Variants in PLA2G4A observed in about 807,000 individuals in gnomAD.
PLA2G4A encodes the protein cytosolic phospholipase A2.
A neutral mutation model predicts 81.9 loss-of-function variants in PLA2G4A; 40 were observed. The ratio of observed to expected loss-of-function variants is 0.49; its 90% CI spans 0.38 to 0.64. The LOEUF (loss-of-function observed/expected upper bound fraction) is 0.64, where lower values mean the gene tolerates loss of function less well. PLA2G4A is among the 30% of genes least tolerant of loss of function. The probability of loss-of-function intolerance (pLI) is 0.00; values close to 1 mark genes in which losing one functional copy is unlikely to be tolerated. For synonymous variants in PLA2G4A, 302 were observed against 296.9 expected, an observed-to-expected ratio of 1.02 and a Z score of -0.18; for missense variants, 715 against 905.1, an observed-to-expected ratio of 0.79 and a Z score of 2.69.
chr1:186,887,831 G>A (rs913590203), intron 3 of PLA2G4A, among the ~76,000 whole-genome samples: 1 of 152,078 alleles, frequency 6.6e-6, no homozygotes, highest in Non-Finnish European at 1.5e-5. Context: ...AATTCTGTTT[G>A]CTACCATGCC....
Position 186,946,580 on chromosome 1 carries a change from C to T in PLA2G4A, c.1034-57C>T, listed in dbSNP as rs140328375. Reference sequence around the variant, plus strand: ...TATTAAAGTGATCATTAATTGTGCACACCATGCCATAGCATTTTCCTATTA... The same window carrying T: ...TATTAAAGTGATCATTAATTGTGCATACCATGCCATAGCATTTTCCTATTA... On this transcript the variant is annotated intron_variant, in intron 10 of 17. Coordinates refer to ENST00000367466, the MANE Select transcript of PLA2G4A (RefSeq NM_024420.3). 2.0e-4 allele frequency: 239 copies of T among 1,190,748 alleles called. No individual in the cohort carries two copies. In the African/African-American group the frequency reaches 3.3e-3, roughly 17 times the overall value. 73.8% of individuals were successfully genotyped at this position (1,190,748 alleles called of 1,614,324 possible).
intron 13 of PLA2G4A, among the ~76,000 whole-genome samples, chr1:186,950,986 A>G (rs570497367): frequency 2.0e-5 from 3 of 152,366 alleles, no homozygotes; most frequent in Middle Eastern, 3.4e-3. Context: ...CCAAGATGGT[A>G]GAAATGCTGA....
At chr1:186,882,085 C>G (rs976714011) in intron 3 of PLA2G4A, among the ~76,000 whole-genome samples, 2 of 152,124 alleles carry the variant, frequency 1.3e-5, no homozygotes, top group African/African-American at 4.8e-5. Context: ...ACTTGCTCAG[C>G]TCACTAAATG....
chr1:186,875,060 T>G (rs1653416246), intron 3 of PLA2G4A, among the ~76,000 whole-genome samples: 1 of 152,146 alleles, frequency 6.6e-6, no homozygotes, highest in South Asian at 2.1e-4. Context: ...ATTTTGATTC[T>G]GTAGGTTTGG....
At chr1:186,841,831 T>C (rs1339073676) in intron 1 of PLA2G4A, among the ~76,000 whole-genome samples, 1 of 152,200 alleles carries the variant, frequency 6.6e-6, no homozygotes, top group Non-Finnish European at 1.5e-5. Flanking sequence ...ATCCTTAAGA[T>C]GGACAGGTTT....
At chr1:186,902,292 T>C (rs576913682) in intron 5 of PLA2G4A, among the ~76,000 whole-genome samples, 14 of 152,190 alleles carry the variant, frequency 9.2e-5, no homozygotes, top group Admixed American at 6.5e-5. Flanking sequence ...CATGACTGTA[T>C]ATTGAAAAAT....
intron 2 of PLA2G4A, among the ~76,000 whole-genome samples, chr1:186,854,705 A>C (rs1652491208): frequency 6.6e-6 from 1 of 151,926 alleles, no homozygotes; most frequent in African/African-American, 2.4e-5. Context: ...CCTTCACATG[A>C]GTTGGTGGAA....
chr1:186,893,114 G>A lies in PLA2G4A; in HGVS notation c.219G>A (p.Glu73=), dbSNP rs1654204714. The A allele has an allele frequency of 1.2e-6, 2 of 1,612,172 alleles. No individual in the cohort carries two copies. The highest frequency in any genetic ancestry group is 1.7e-6 in the Non-Finnish European group (2 of 1,178,358). ...ATGACATAAACCCTGTGTGGAATGA[G>A]ACCTTTGAATTTATTTTGGATCCTA... ...FNNDINPVWN[E]TFEFILDPNQ... The change falls in exon 4 of 18, where the codon GAG becomes GAA. Residue 73 remains glutamate (E), a synonymous_variant. Transcript: ENST00000367466.
At chr1:186,922,020 T>G (rs971923210) in intron 7 of PLA2G4A, among the ~76,000 whole-genome samples, 1 of 152,188 alleles carries the variant, frequency 6.6e-6, no homozygotes, top group African/African-American at 2.4e-5. Flanking sequence ...ACAGAAAGTT[T>G]TAAGTTTTCC....
At chr1:186,930,963 T>TA (rs1655723991) in intron 7 of PLA2G4A, among the ~76,000 whole-genome samples, 1 of 152,152 alleles carries the variant, frequency 6.6e-6, no homozygotes. Context: ...ATACTGCCTG[T>TA]AAACTCAACC....
chr1:186,850,193 A>G (rs922120966), intron 1 of PLA2G4A, among the ~76,000 whole-genome samples: 4 of 152,166 alleles, frequency 2.6e-5, no homozygotes, highest in Non-Finnish European at 4.4e-5. Context: ...CATGAAACTT[A>G]CTTCTATATT....
chr1:186,897,290 C>T (rs1463527878), intron 5 of PLA2G4A, among the ~76,000 whole-genome samples: 1 of 152,102 alleles, frequency 6.6e-6, no homozygotes, highest in Non-Finnish European at 1.5e-5. Context: ...GCTTTATTCA[C>T]TTGGAGTCGA....
chr1:186,962,948 TCTCA>T (rs924541441), intron 14 of PLA2G4A, among the ~76,000 whole-genome samples: 1 of 152,230 alleles, frequency 6.6e-6, no homozygotes, highest in African/African-American at 2.4e-5. Flanking sequence ...GAATCTTGAC[TCTCA>T]CTATCTGTTT....
At chr1:186,901,970 C>T (rs1204279738) in intron 5 of PLA2G4A, among the ~76,000 whole-genome samples, 1 of 152,082 alleles carries the variant, frequency 6.6e-6, no homozygotes, top group Non-Finnish European at 1.5e-5. Context: ...AATGGGGATA[C>T]ATGCTGAGAA....
chr1:186,931,653 T>C (rs1655749601), intron 7 of PLA2G4A, among the ~76,000 whole-genome samples: 1 of 152,060 alleles, frequency 6.6e-6, no homozygotes, highest in Non-Finnish European at 1.5e-5. Context: ...CTACTATATC[T>C]TATGACTATA....
intron 16 of PLA2G4A, among the ~76,000 whole-genome samples, chr1:186,978,081 T>G (rs948289653): frequency 2.6e-5 from 4 of 152,222 alleles, no homozygotes; most frequent in African/African-American, 9.7e-5. Flanking sequence ...TGATTTTTAA[T>G]CAAATATTTT....
intron 7 of PLA2G4A, among the ~76,000 whole-genome samples, chr1:186,913,045 G>T (rs982284645): frequency 6.8e-6 from 1 of 148,052 alleles, no homozygotes; most frequent in Non-Finnish European, 1.5e-5. Flanking sequence ...ATTAATAAAT[G>T]CAGGCAAATG....
intron 10 of PLA2G4A, among the ~76,000 whole-genome samples, chr1:186,941,188 G>T (rs1656143341): frequency 6.6e-6 from 1 of 151,186 alleles, no homozygotes; most frequent in Non-Finnish European, 1.5e-5. Flanking sequence ...CAGCACAATA[G>T]CATTTCTGAC....
chr1:186,946,793 A>C lies in PLA2G4A; in HGVS notation c.1171+19A>C. On this transcript the variant is annotated intron_variant, in intron 11 of 17. Coordinates refer to ENST00000367466, the MANE Select transcript of PLA2G4A (RefSeq NM_024420.3). ...TTAATGGGTAAGTGATCAAAATAAA[A>C]ATATATCATTGACTTGCTTGACTAT... is the stretch of plus-strand genomic sequence containing the variant. 1 of 1,602,922 alleles carries C rather than the reference A, an allele frequency of 6.2e-7. No homozygotes were observed. The highest frequency in any genetic ancestry group is 8.5e-7 in the Non-Finnish European group (1 of 1,170,164).
Sources: allele counts gnomAD v4.1 joint callset (sites outside exome capture counted in the v4.1 genomes callset), GRCh38; gene constraint gnomAD v4.1.1; transcripts MANE v1.5; gene names NCBI Gene and HGNC (gene_info 2026-07-23, HGNC 2026-07-21).